Variants in SCN9A observed in about 807,000 individuals in gnomAD.
SCN9A encodes sodium channel protein type 9 subunit alpha.
SCN9A carries 131 observed loss-of-function variants against 187.0 expected under a neutral mutation model. The ratio of observed to expected loss-of-function variants is 0.70; its 90% confidence interval spans 0.61 to 0.81. The LOEUF is 0.81. Among genes scored for constraint, SCN9A ranks in the 30% least tolerant of loss-of-function variants. The pLI is 0.00. For missense variants in SCN9A, 2,252 were observed against 2,396.6 expected, an observed-to-expected ratio of 0.94 and a Z score of 1.26; for synonymous variants, 809 against 808.6, an observed-to-expected ratio of 1.00 and a Z score of -0.01.
rs556848020 is a variant in SCN9A, at chr2:166,320,962, T to C, written c.-50-9156A>G. On this transcript the variant is annotated intron_variant, in intron 1 of 26. Transcript: ENST00000642356. The stretch of plus-strand genomic sequence containing the variant: ...AGGGCTTATCTAAGTAATGCTGAAA[T>C]AAAAGTTTTAGGGAAGAGCATAAGC... 1.6e-4 allele frequency among the ~76,000 whole-genome samples: 25 copies of C among 152,244 alleles called. No individual in the cohort carries two copies. The South Asian group carries it at 5.0e-3, about 30-fold the overall frequency.
chr2:166,311,470 A>T (rs761781232), intron 2 of SCN9A, 29 bp downstream of exon 2: 2 of 1,471,794 alleles, frequency 1.4e-6, no homozygotes, highest in East Asian at 4.6e-5. Context: ...GCCAACAGAA[A>T]CTGACCACTG....
intron 1 of SCN9A, among the ~76,000 whole-genome samples, chr2:166,332,504 T>C (rs1419761861): frequency 6.6e-6 from 1 of 152,186 alleles, no homozygotes; most frequent in Non-Finnish European, 1.5e-5. Context: ...GCTAAGTGAT[T>C]AAAGCATTTC....
In SCN9A at chr2:166,294,633, C is replaced by T; in HGVS notation, c.931G>A (p.Asp311Asn). 6.2e-7 allele frequency: 1 copy of T among 1,610,380 alleles called. No homozygotes were observed. The highest frequency in any genetic ancestry group is 8.5e-7 in the Non-Finnish European group (1 of 1,177,808). Residue 311 changes from aspartate (D) to asparagine (N), a missense_variant, in exon 8 of 27, where the codon GAT (aspartate) becomes AAT (asparagine). By Grantham distance (23) the Asp-to-Asn change is conservative. Around this residue, in one of 7 missense-constraint regions of SCN9A, gnomAD observed 1,013 missense variants for 997.4 expected, o/e 1.02. Coordinates refer to ENST00000642356, the MANE Select transcript of SCN9A (RefSeq NM_001365536.1). ...GTGCTGAAACCACAAAGGAGAGCAT[C>T]TTTGGATCCTTCCAAGTAATAAAAA... is the stretch of plus-strand genomic sequence containing the variant. ...KYFYYLEGSK[D>N]ALLCGFSTDS...
chr2:166,235,548 A>C (rs1695279615), intron 20 of SCN9A, among the ~76,000 whole-genome samples: 1 of 152,210 alleles, frequency 6.6e-6, no homozygotes, highest in African/African-American at 2.4e-5. Context: ...AGAGTTTCTG[A>C]TTCAGTATGT....
intron 1 of SCN9A, among the ~76,000 whole-genome samples, chr2:166,325,665 A>G (rs920887079): frequency 6.6e-6 from 1 of 152,176 alleles, no homozygotes; most frequent in African/African-American, 2.4e-5. Flanking sequence ...TTTATTACAT[A>G]TCCATCTTAA....
chr2:166,364,931 G>A (rs1559065922), intron 1 of SCN9A, among the ~76,000 whole-genome samples: 1 of 152,112 alleles, frequency 6.6e-6, no homozygotes, highest in Non-Finnish European at 1.5e-5. Flanking sequence ...ACAGCAGTTA[G>A]CAACCGGTCA....
At position 166,288,447 on chromosome 2, in the gene SCN9A, T is replaced by G. The variant is rs201396897; in HGVS notation, c.1304A>C (p.Glu435Ala). 1.1e-5 allele frequency: 17 copies of G among 1,608,816 alleles called. No individual in the cohort carries two copies. Among genetic ancestry groups the G allele is most frequent in the Non-Finnish European group, 1.4e-5 (17 of 1,176,546 alleles). Residue 435 changes from glutamate to alanine, a missense_variant, in exon 10 of 27, where the codon GAA (glutamate) becomes GCA (alanine). Glu to Ala is a moderately radical substitution (Grantham distance 107). Transcript: ENST00000642356. ...ATCAAATAACAGTACCTCAGCTTCT[T>G]CTTGCTCTTTTTTAAGACGGTCTAA... The part of the protein sequence containing the change: ...QMLDRLKKEQ[E>A]EAEAIAAAAA...
At chr2:166,328,555 A>G (rs1699422397) in intron 1 of SCN9A, among the ~76,000 whole-genome samples, 1 of 152,214 alleles carries the variant, frequency 6.6e-6, no homozygotes, top group African/African-American at 2.4e-5. Context: ...ATGTTTTTAA[A>G]AACTTCTTTT....
chr2:166,200,267 G>A (rs1693443501), intron 26 of SCN9A, among the ~76,000 whole-genome samples: 1 of 151,588 alleles, frequency 6.6e-6, no homozygotes, highest in Non-Finnish European at 1.5e-5. Flanking sequence ...AAAGTGCTGG[G>A]ATTACAGGCG....
intron 1 of SCN9A, among the ~76,000 whole-genome samples, chr2:166,334,784 A>G (rs2105269838): frequency 6.6e-6 from 1 of 152,280 alleles, no homozygotes; most frequent in South Asian, 2.1e-4. Context: ...TTTACTTACA[A>G]TTTTGCATTA....
At chr2:166,246,425 A>G (rs115104603) in intron 18 of SCN9A, among the ~76,000 whole-genome samples, 1,787 of 152,140 alleles carry the variant, frequency 0.012, 35 homozygotes, top group African/African-American at 0.041. Flanking sequence ...TCCTATACTT[A>G]AATAATTATT....
Position 166,198,613 on chromosome 2 carries a change from T to C in SCN9A, c.*59A>G. The C allele has an allele frequency of 7.6e-7, 1 of 1,316,794 alleles. No individual in the cohort carries two copies. Among genetic ancestry groups the C allele is most frequent in the Non-Finnish European group, 1.0e-6 (1 of 968,996 alleles). 81.6% of individuals were successfully genotyped at this position (1,316,794 alleles called of 1,614,324 possible). On this transcript the variant is annotated 3_prime_UTR_variant, in exon 27 of 27. Transcript: ENST00000642356. ...TTGGCATAGACTTCCTCAAAAGAGT[T>C]TTATTAACACAAATAAATCACTTTC...
intron 7 of SCN9A, chr2:166,301,262 A>T (rs1325902434): frequency 6.6e-6 from 1 of 150,814 alleles, no homozygotes; most frequent in Non-Finnish European, 1.5e-5. Context: ...TTGCATTCTA[A>T]TCTATTAGTA....
chr2:166,249,511 T>C (rs1280112438), intron 18 of SCN9A: 2 of 152,164 alleles, frequency 1.3e-5, no homozygotes, highest in African/African-American at 4.8e-5. Flanking sequence ...ATGAAGTCTC[T>C]GCTGGAGCAC....
rs201739574 is a variant in SCN9A, at chr2:166,196,126, T to C, written c.*2546A>G. 2 of 152,110 alleles carry C rather than the reference T, an allele frequency of 1.3e-5. No homozygotes were observed. The highest frequency in any genetic ancestry group is 2.9e-5 in the Non-Finnish European group (2 of 68,018). 9.4% of individuals were successfully genotyped at this position (152,110 alleles called of 1,614,324 possible). A position where few individuals can be genotyped will look rare whatever the true frequency, so the allele number is the denominator to read the frequency against. On this transcript the variant is annotated 3_prime_UTR_variant, in exon 27 of 27. Coordinates refer to ENST00000642356, the MANE Select transcript of SCN9A (RefSeq NM_001365536.1). ...TCAGTGTAACTGCCTTTCTGTATTG[T>C]TGGGTGTAATAAGTTCAGCGATTAT...
intron 24 of SCN9A, among the ~76,000 whole-genome samples, chr2:166,225,678 C>G (rs1319152812): frequency 6.6e-6 from 1 of 152,110 alleles, no homozygotes; most frequent in African/African-American, 2.4e-5. Flanking sequence ...AAAATAATGT[C>G]ATTGCAGATG....
chr2:166,317,656 A>G (rs1699140725), intron 1 of SCN9A, among the ~76,000 whole-genome samples: 2 of 152,178 alleles, frequency 1.3e-5, no homozygotes, highest in Admixed American at 1.3e-4. Context: ...TGTCTGTCCA[A>G]ATATCATATC....
intron 1 of SCN9A, among the ~76,000 whole-genome samples, chr2:166,361,919 A>G (rs1274558893): frequency 6.6e-6 from 1 of 152,140 alleles, no homozygotes; most frequent in Non-Finnish European, 1.5e-5. Context: ...CAAGAAGGCA[A>G]AATCCAAGCA....
chr2:166,214,477 G>GAGACAATCCCAACTCTACA (rs1157469352), intron 24 of SCN9A, among the ~76,000 whole-genome samples: 6 of 150,730 alleles, frequency 4.0e-5, no homozygotes, highest in African/African-American at 1.5e-4. Flanking sequence ...GCTTCCTCCA[G>GAGACAATCCCAACTCTACA]AGACAATCCC....
Sources: allele counts gnomAD v4.1 joint callset (sites outside exome capture counted in the v4.1 genomes callset), GRCh38; gene constraint gnomAD v4.1.1; regional missense constraint gnomAD v4.1.1; transcripts MANE v1.5; gene names NCBI Gene and HGNC (gene_info 2026-07-23, HGNC 2026-07-21).